The following DNAI2 variants were observed in gnomAD, a reference collection of about 807,000 sequenced individuals.
DNAI2 encodes dynein, axonemal, intermediate polypeptide 2.
DNAI2 carries 63 observed loss-of-function variants against 74.7 expected under a neutral mutation model. That is an observed-to-expected ratio of 0.84 (90% CI 0.69 to 1.04). The LOEUF (loss-of-function observed/expected upper bound fraction) is 1.04. DNAI2 is among the 50% of genes least tolerant of loss of function. The probability of loss-of-function intolerance (pLI) is 0.00; values close to 1 mark genes in which losing one functional copy is unlikely to be tolerated. For synonymous variants in DNAI2, 289 were observed against 314.9 expected (o/e 0.92, Z 0.87); for missense variants, 688 against 803.2 (o/e 0.86, Z 1.73).
At chr17:74,294,298 C>A (rs1339962944) in intron 6 of DNAI2, among the ~76,000 whole-genome samples, 1 of 139,656 alleles carries the variant, frequency 7.2e-6, no homozygotes, top group Non-Finnish European at 1.5e-5. Flanking sequence ...CTTATCATTT[C>A]TTTTTTTTTT....
chr17:74,307,316 C>T (rs1474899732), intron 9 of DNAI2: 1 of 456,124 alleles, frequency 2.2e-6, no homozygotes, highest in Non-Finnish European at 4.4e-6. Flanking sequence ...TGTCGTAGAA[C>T]CTGGGTCTCC....
chr17:74,311,684 G>A (rs948555013), intron 11 of DNAI2, among the ~76,000 whole-genome samples: 1 of 152,222 alleles, frequency 6.6e-6, no homozygotes, highest in African/African-American at 2.4e-5. Flanking sequence ...CTCTGCCTGA[G>A]ACTGGGATCT....
rs1201215656 is a variant in DNAI2 at position 74,287,010 on chromosome 17, A to G, written c.379A>G (p.Ile127Val). The change falls in exon 4 of 14, where the codon ATT (isoleucine) becomes GTT (valine). Residue 127 changes from isoleucine to valine, a missense_variant. Ile to Val is a conservative substitution (Grantham distance 29). Transcript: ENST00000311014. ...MEHCIKQNNA[I>V]DIYEEYFNDE... ...GCACTGCATCAAGCAGAACAATGCC[A>G]TTGACATCTATGAAGAGTATTTCAA... The G allele has an allele frequency of 1.9e-6, 3 of 1,613,896 alleles. No homozygotes were observed. The highest frequency in any genetic ancestry group is 1.1e-5 in the South Asian group (1 of 91,076).
intron 6 of DNAI2, among the ~76,000 whole-genome samples, chr17:74,296,157 T>G (rs1416812826): frequency 6.6e-6 from 1 of 152,186 alleles, no homozygotes; most frequent in East Asian, 1.9e-4. Context: ...AGCTTTTCCT[T>G]TTACTTATTT....
rs751751038 is a variant in DNAI2, at chr17:74,300,865, G to A, written c.865-181G>A. 2.0e-5 allele frequency among the ~76,000 whole-genome samples: 3 copies of A among 152,228 alleles called. No homozygotes were observed. Among genetic ancestry groups the A allele is most frequent in the Non-Finnish European group, 2.9e-5 (2 of 68,048 alleles). ...TGCCGGCGACTCTGATGATCAGCCA[G>A]GTGTGGGAACTGTGGACAGAACAGC... is the stretch of plus-strand genomic sequence containing the variant. On this transcript the variant is annotated intron_variant, in intron 7 of 13. Coordinates refer to ENST00000311014, the MANE Select transcript of DNAI2 (RefSeq NM_023036.6). The surrounding 1 kb of genome is among the most constrained non-coding windows in gnomAD (Gnocchi z 4.5).
chr17:74,310,379 A>T (rs1174602355), intron 11 of DNAI2, among the ~76,000 whole-genome samples: 2 of 151,334 alleles, frequency 1.3e-5, no homozygotes, highest in Non-Finnish European at 2.9e-5. Flanking sequence ...TCAGTAAGTC[A>T]CGTCACTCTC....
chr17:74,277,510 T>C (rs2051163686), intron 1 of DNAI2, among the ~76,000 whole-genome samples: 1 of 152,026 alleles, frequency 6.6e-6, no homozygotes, highest in Non-Finnish European at 1.5e-5. Context: ...CAAGACACAA[T>C]GTATATGGAT....
chr17:74,291,867 A>ATT (rs36055191), intron 6 of DNAI2, among the ~76,000 whole-genome samples: 14,127 of 144,998 alleles, frequency 0.097, 770 homozygotes, highest in African/African-American at 0.14. Flanking sequence ...ATTGATATTA[A>ATT]TTTTTTTTTT....
At chr17:74,311,908 G>C in intron 11 of DNAI2, 95 bp from the exon 12 acceptor site, 2 of 1,182,172 alleles carry the variant, frequency 1.7e-6, no homozygotes, top group Non-Finnish European at 2.5e-6. Flanking sequence ...GGAGAGCAAG[G>C]AGAGCTCAGC....
Position 74,300,049 on chromosome 17 carries a change from A to G in DNAI2, c.864+192A>G, listed in dbSNP as rs2052672322. 6.6e-6 allele frequency among the ~76,000 whole-genome samples: 1 copy of G among 152,192 alleles called. No homozygotes were observed. Among genetic ancestry groups the G allele is most frequent in the Non-Finnish European group, 1.5e-5 (1 of 68,038 alleles). On this transcript the variant is annotated intron_variant, in intron 7 of 13. Transcript: ENST00000311014. The surrounding 1 kb of genome is among the most constrained non-coding windows in gnomAD (Gnocchi z 4.5). ...CTGCAACCTCTGCCTCCCGGGTTCA[A>G]GCAATTCTCCTGCCTCAGCCTCCCA...
At chr17:74,294,058 C>T (rs908662002) in intron 6 of DNAI2, among the ~76,000 whole-genome samples, 32 of 152,096 alleles carry the variant, frequency 2.1e-4, no homozygotes, top group African/African-American at 7.2e-4. Flanking sequence ...GCTGGGATTA[C>T]AGGCATGAGC....
chr17:74,293,373 C>T (rs2052243840), intron 6 of DNAI2, among the ~76,000 whole-genome samples: 1 of 152,006 alleles, frequency 6.6e-6, no homozygotes, highest in South Asian at 2.1e-4. Flanking sequence ...TTAAGTTTTC[C>T]TAGTGAATTA....
chr17:74,276,298 C>A (rs1173706054), intron 1 of DNAI2, among the ~76,000 whole-genome samples: 1 of 152,190 alleles, frequency 6.6e-6, no homozygotes, highest in Non-Finnish European at 1.5e-5. Flanking sequence ...TGGACCACAG[C>A]GTCCCTGATT....
intron 8 of DNAI2, among the ~76,000 whole-genome samples, chr17:74,303,162 C>G (rs1397489186): frequency 2.0e-5 from 3 of 152,096 alleles, no homozygotes; most frequent in African/African-American, 7.2e-5. Flanking sequence ...TCCGTACTTG[C>G]CAGACACACA....
intron 6 of DNAI2, among the ~76,000 whole-genome samples, chr17:74,291,895 G>C (rs564618273): frequency 6.7e-6 from 1 of 149,530 alleles, no homozygotes; most frequent in African/African-American, 2.5e-5. Flanking sequence ...ATGGAGTCTC[G>C]CTCTGTCGCC....
rs765870884 is a variant in DNAI2 at position 74,291,073 on chromosome 17, T to C, written c.664T>C (p.Leu222=). The change falls in exon 6 of 14, where the codon TTG becomes CTG. Residue 222 remains leucine, a synonymous_variant. Coordinates refer to ENST00000311014, the MANE Select transcript of DNAI2 (RefSeq NM_023036.6). ...ALKPSSPLVT[L]EFNPKDSHVL... ...GAAGCCATCGTCTCCACTCGTGACG[T>C]TGGAGTTCAACCCCAAAGATTCCCA... The C allele has an allele frequency of 9.3e-6, 15 of 1,614,198 alleles. No individual in the cohort carries two copies. The highest frequency in any genetic ancestry group is 2.2e-5 in the East Asian group (1 of 44,888).
At chr17:74,314,540 C>T in intron 13 of DNAI2, 49 bp from the exon 14 acceptor site, 3 of 355,098 alleles carry the variant, frequency 8.4e-6, no homozygotes, top group South Asian at 7.2e-5. Flanking sequence ...TCCTGGGATT[C>T]AGCTTCTCAC....
At position 74,314,626 on chromosome 17, in the gene DNAI2, G is replaced by A. The variant is rs922331382; in HGVS notation, c.*93G>A. 5.7e-5 allele frequency: 13 copies of A among 230,004 alleles called. No individual in the cohort carries two copies. Among genetic ancestry groups the A allele is most frequent in the South Asian group, 2.8e-4 (5 of 17,634 alleles). The allele number at this position is 230,004 out of a possible 1,614,324, so 14.2% of individuals were successfully genotyped here. On this transcript the variant is annotated 3_prime_UTR_variant, in exon 14 of 14. Coordinates refer to ENST00000311014, the MANE Select transcript of DNAI2 (RefSeq NM_023036.6). Reference sequence around the variant, plus strand: ...ACTTGCATGGCCATGGCAGGGCCTCGGGAAGACCTTCAGGAGTGGGGAAGG... The same window carrying A: ...ACTTGCATGGCCATGGCAGGGCCTCAGGAAGACCTTCAGGAGTGGGGAAGG...
At chr17:74,309,600 G>C in intron 10 of DNAI2, 1 of 743,100 alleles carries the variant, frequency 1.3e-6, no homozygotes, top group East Asian at 2.7e-5. Context: ...TGGCATCCTG[G>C]TAGCACAACA....
Sources: allele counts gnomAD v4.1 joint callset (sites outside exome capture counted in the v4.1 genomes callset), GRCh38; gene constraint gnomAD v4.1.1; non-coding constraint Gnocchi (gnomAD v3.1); transcripts MANE v1.5; gene names NCBI Gene and HGNC (gene_info 2026-07-23, HGNC 2026-07-21).